Variants in CDH18 observed in about 807,000 individuals in gnomAD.
CDH18 encodes cadherin 18.
Under a neutral mutation model 67.9 loss-of-function variants are expected in CDH18, and 31 were observed. The observed-to-expected ratio is 0.46, with a 90% CI of 0.34 to 0.62. The LOEUF (loss-of-function observed/expected upper bound fraction) is 0.62, where lower values mean the gene tolerates loss of function less well. Among genes scored for constraint, CDH18 ranks in the 20% least tolerant of loss-of-function variants. CDH18 has a pLI of 0.01. For missense variants in CDH18, 890 were observed against 975.5 expected, an observed-to-expected ratio of 0.91 and a Z score of 1.17; for synonymous variants, 362 against 347.2, an observed-to-expected ratio of 1.04 and a Z score of -0.48.
chr5:19,806,637 T>A (rs1778059991), intron 3 of CDH18, among the ~76,000 whole-genome samples: 1 of 152,334 alleles, frequency 6.6e-6, no homozygotes, highest in Middle Eastern at 3.4e-3. Flanking sequence ...GGAGTTGTCC[T>A]GAATTCATAA....
rs563640999 is a variant in CDH18 at position 19,962,368 on chromosome 5, C to T, written c.-257+18692G>A. On this transcript the variant is annotated intron_variant, in intron 2 of 12. Coordinates refer to ENST00000382275, the MANE Select transcript of CDH18 (RefSeq NM_004934.5). The stretch of plus-strand genomic sequence containing the variant: ...ATTACTTCGTAATTTAGAGAATAAA[C>T]GTCAAAAAGCAAAAAAAAAAAAAAA... Among the ~76,000 whole-genome samples, 32 of 6,522 alleles carry T rather than the reference C, an allele frequency of 4.9e-3. 1 individual carries two copies. In the East Asian group the frequency reaches 0.063, roughly 13 times the overall value. The allele number at this position is 6,522 out of a possible 152,430, so 4.3% of individuals were successfully genotyped here.
intron 2 of CDH18, among the ~76,000 whole-genome samples, chr5:20,239,235 G>C (rs1247408267): frequency 2.0e-5 from 3 of 152,074 alleles, no homozygotes; most frequent in Non-Finnish European, 4.4e-5. Flanking sequence ...CAGGCAGATT[G>C]CCTGAGCTCA....
At chr5:20,068,812 G>A (rs1743197226) in intron 2 of CDH18, among the ~76,000 whole-genome samples, 1 of 151,880 alleles carries the variant, frequency 6.6e-6, no homozygotes, top group Non-Finnish European at 1.5e-5. Flanking sequence ...AGAATATCCA[G>A]GCCACATATG....
intron 3 of CDH18, among the ~76,000 whole-genome samples, chr5:19,786,250 A>G (rs990740305): frequency 6.6e-6 from 1 of 152,184 alleles, no homozygotes; most frequent in Non-Finnish European, 1.5e-5. Flanking sequence ...CCAGAAACTC[A>G]GCAATAATGC....
In CDH18 at chr5:19,480,351, T is replaced by TTTA. The variant is rs1355820211; in HGVS notation, c.1882+2949_1882+2950insTAA. On this transcript the variant is annotated intron_variant, in intron 12 of 12. Coordinates refer to ENST00000382275, the MANE Select transcript of CDH18 (RefSeq NM_004934.5). ...CTGACCAATAAATATATAAAGTTTA[T>TTTA]TTTATTTATTTATTTATTTATTTAT... Among the ~76,000 whole-genome samples, 8 of 145,470 alleles carry TTTA rather than the reference T, an allele frequency of 5.5e-5. No homozygotes were observed. In the East Asian group the frequency reaches 1.6e-3, roughly 29 times the overall value.
Position 19,820,297 on chromosome 5 carries a change from G to C in CDH18, c.228+18462C>G, listed in dbSNP as rs187376056. Among the ~76,000 whole-genome samples, 9 of 152,270 alleles carry C rather than the reference G, an allele frequency of 5.9e-5. No homozygotes were observed. In the East Asian group the frequency reaches 1.7e-3, roughly 29 times the overall value. Reference sequence around the variant, plus strand: ...AGAGTGACCTAGCAATCCGGGCACAGAAGGTTTGGCACAAAACTAGCTGTT... The same window carrying C: ...AGAGTGACCTAGCAATCCGGGCACACAAGGTTTGGCACAAAACTAGCTGTT... On this transcript the variant is annotated intron_variant, in intron 3 of 12. Coordinates refer to ENST00000382275, the MANE Select transcript of CDH18 (RefSeq NM_004934.5).
At chr5:20,374,836 A>G (rs1743283245) in intron 1 of CDH18, among the ~76,000 whole-genome samples, 1 of 152,176 alleles carries the variant, frequency 6.6e-6, no homozygotes, top group Non-Finnish European at 1.5e-5. Flanking sequence ...TTAAACTGAG[A>G]TAAGAATCAA....
intron 2 of CDH18, among the ~76,000 whole-genome samples, chr5:20,031,550 C>T (rs1739400691): frequency 6.6e-6 from 1 of 151,934 alleles, no homozygotes; most frequent in Non-Finnish European, 1.5e-5. Flanking sequence ...CTCTGTGCTC[C>T]TCTTTCTAAT....
At chr5:19,631,622 A>C (rs1752428191) in intron 5 of CDH18, among the ~76,000 whole-genome samples, 1 of 151,920 alleles carries the variant, frequency 6.6e-6, no homozygotes, top group Non-Finnish European at 1.5e-5. Context: ...AGTCTGTTAA[A>C]AATCCTAAAA....
intron 2 of CDH18, among the ~76,000 whole-genome samples, chr5:19,977,639 A>G (rs1472235591): frequency 6.6e-6 from 1 of 152,188 alleles, no homozygotes; most frequent in Admixed American, 6.5e-5. Flanking sequence ...CATTTTAAAG[A>G]AAGAAATAAA....
chr5:19,787,252 A>G (rs1249655967), intron 3 of CDH18, among the ~76,000 whole-genome samples: 1 of 152,132 alleles, frequency 6.6e-6, no homozygotes, highest in African/African-American at 2.4e-5. Flanking sequence ...CAAGAGTTTG[A>G]GACCAGCGTG....
chr5:20,345,337 G>T (rs1283091138), intron 1 of CDH18, among the ~76,000 whole-genome samples: 4 of 152,104 alleles, frequency 2.6e-5, no homozygotes, highest in African/African-American at 9.7e-5. Context: ...ACTTTGCCAA[G>T]GATCCCTTAA....
At chr5:20,276,404 A>C (rs746289394) in intron 1 of CDH18, among the ~76,000 whole-genome samples, 2 of 152,068 alleles carry the variant, frequency 1.3e-5, no homozygotes, top group Non-Finnish European at 2.9e-5. Flanking sequence ...CCAGGCTCTC[A>C]CTCCTTGATG....
At chr5:19,558,327 C>T (rs946566308) in intron 8 of CDH18, among the ~76,000 whole-genome samples, 5 of 151,686 alleles carry the variant, frequency 3.3e-5, no homozygotes, top group Admixed American at 1.3e-4. Flanking sequence ...AAACAAAAAA[C>T]ATACAATACA....
intron 2 of CDH18, among the ~76,000 whole-genome samples, chr5:19,996,451 C>A (rs1223869329): frequency 6.6e-6 from 1 of 151,938 alleles, no homozygotes; most frequent in African/African-American, 2.4e-5. Flanking sequence ...GGGTCTTTGA[C>A]TATGGCATTT....
chr5:19,535,882 C>T (rs139432580), intron 9 of CDH18, among the ~76,000 whole-genome samples: 3 of 152,168 alleles, frequency 2.0e-5, no homozygotes, highest in Non-Finnish European at 2.9e-5. Context: ...ATTATACAAG[C>T]AATGAATGAT....
intron 2 of CDH18, among the ~76,000 whole-genome samples, chr5:19,954,886 G>T: frequency 6.6e-6 from 1 of 151,676 alleles, no homozygotes; most frequent in East Asian, 1.9e-4. Flanking sequence ...CTGAAGATAC[G>T]ACTGCACAAG....
intron 2 of CDH18, among the ~76,000 whole-genome samples, chr5:20,143,954 G>T (rs1268272964): frequency 6.6e-6 from 1 of 152,128 alleles, no homozygotes. Context: ...ATTCATGAAA[G>T]GTGTGTGGAG....
At chr5:20,115,813 T>C (rs943591120) in intron 2 of CDH18, among the ~76,000 whole-genome samples, 5 of 152,130 alleles carry the variant, frequency 3.3e-5, no homozygotes, top group Non-Finnish European at 4.4e-5. Flanking sequence ...GTGATGCTGC[T>C]GAGTAAAGTG....
Sources: gnomAD v4.1 joint callset for allele counts (sites outside exome capture counted in the v4.1 genomes callset) on GRCh38, gnomAD v4.1.1 for gene constraint, MANE v1.5 for transcripts, NCBI Gene and HGNC (gene_info 2026-07-23, HGNC 2026-07-21) for gene names.